GRB10: variants seen among roughly 807,000 people sequenced by gnomAD.
GRB10 encodes growth factor receptor bound protein 10.
In GRB10, 20 loss-of-function variants were observed where a neutral mutation model predicts 80.9. The observed-to-expected ratio is 0.25, with a 90% CI of 0.17 to 0.36. The LOEUF (loss-of-function observed/expected upper bound fraction) is 0.36, where lower values mean the gene tolerates loss of function less well. GRB10 is among the 10% of genes least tolerant of loss of function. The probability of loss-of-function intolerance (pLI) is 1.00; values close to 1 mark genes in which losing one functional copy is unlikely to be tolerated. For synonymous variants in GRB10, 291 were observed against 291.5 expected (o/e 1.00, Z 0.02); for missense variants, 548 against 747.7 (o/e 0.73, Z 3.12).
chr7:50,643,443 C>T (rs147577667), intron 7 of GRB10, among the ~76,000 whole-genome samples: 5 of 152,134 alleles, frequency 3.3e-5, no homozygotes, highest in Non-Finnish European at 7.4e-5. Context: ...CCATCCGTCA[C>T]GACAGGTGTG....
At chr7:50,729,553 G>A (rs2069262708) in intron 4 of GRB10, among the ~76,000 whole-genome samples, 1 of 152,160 alleles carries the variant, frequency 6.6e-6, no homozygotes, top group Non-Finnish European at 1.5e-5. Context: ...GAACACAGAT[G>A]TGCAGGGCCC....
chr7:50,655,282 A>C (rs953561523), intron 7 of GRB10, among the ~76,000 whole-genome samples: 24 of 152,132 alleles, frequency 1.6e-4, no homozygotes, highest in African/African-American at 5.3e-4. Flanking sequence ...AGTGTCTGCC[A>C]GGTGTTTCCA....
At chr7:50,670,894 C>T (rs541338750) in intron 6 of GRB10, among the ~76,000 whole-genome samples, 111 of 152,286 alleles carry the variant, frequency 7.3e-4, no homozygotes, top group Non-Finnish European at 1.5e-3. Flanking sequence ...TGGAAACACA[C>T]GCTGAATCCA....
intron 7 of GRB10, among the ~76,000 whole-genome samples, chr7:50,661,934 C>T (rs1325641130): frequency 6.6e-6 from 1 of 152,212 alleles, no homozygotes; most frequent in Non-Finnish European, 1.5e-5. Context: ...GTCTCCGGCC[C>T]TAGACTTCCT....
intron 2 of GRB10, among the ~76,000 whole-genome samples, chr7:50,759,531 G>A (rs2075509736): frequency 6.6e-6 from 1 of 152,150 alleles, no homozygotes; most frequent in Non-Finnish European, 1.5e-5. Flanking sequence ...AACATTTCTA[G>A]ATTAATTACA....
chr7:50,788,829 C>T (rs1028480904), intron 1 of GRB10, among the ~76,000 whole-genome samples: 1 of 152,172 alleles, frequency 6.6e-6, no homozygotes, highest in Non-Finnish European at 1.5e-5. Flanking sequence ...ATAAGTGCCT[C>T]TGTAAGAGTC....
chr7:50,593,086 C>T lies in GRB10; in HGVS notation c.1651G>A (p.Gly551Arg), dbSNP rs369791487. The change falls in exon 19 of 19, where the codon GGG (glycine) becomes AGG (arginine). Residue 551 changes from glycine (G) to arginine (R), a missense_variant. Transcript: ENST00000401949. The part of the protein sequence containing the change: ...NFQILPCEDD[G>R]QTFFSLDDGN... ...TCATCTAGGCTGAAGAACGTCTGCC[C>T]GTCGTCCTCGCACTGGAGAGACACA... The T allele has an allele frequency of 5.6e-6, 9 of 1,614,130 alleles. No individual in the cohort carries two copies. The highest frequency in any genetic ancestry group is 2.2e-5 in the East Asian group (1 of 44,874).
intron 4 of GRB10, among the ~76,000 whole-genome samples, chr7:50,706,799 G>A (rs2065094105): frequency 6.6e-6 from 1 of 152,130 alleles, no homozygotes; most frequent in African/African-American, 2.4e-5. Context: ...TCAGCTAAGG[G>A]TTTGGGGCCA....
At chr7:50,766,358 C>T (rs2076337580) in intron 2 of GRB10, among the ~76,000 whole-genome samples, 2 of 152,114 alleles carry the variant, frequency 1.3e-5, no homozygotes, top group Admixed American at 1.3e-4. Context: ...CTGCACAGGC[C>T]CTTTTCTATA....
intron 4 of GRB10, among the ~76,000 whole-genome samples, chr7:50,710,483 A>G (rs1223741852): frequency 6.6e-6 from 1 of 152,214 alleles, no homozygotes. Flanking sequence ...AAACACTACA[A>G]GATGCACAAG....
intron 4 of GRB10, among the ~76,000 whole-genome samples, chr7:50,722,859 C>T (rs991585359): frequency 8.5e-5 from 13 of 152,056 alleles, no homozygotes; most frequent in African/African-American, 3.1e-4. Context: ...TTTCACCCAC[C>T]TTAGGTAAAG....
intron 5 of GRB10, among the ~76,000 whole-genome samples, chr7:50,692,352 G>A (rs776409925): frequency 6.6e-6 from 1 of 151,974 alleles, no homozygotes; most frequent in Non-Finnish European, 1.5e-5. Context: ...GATTTTTTGT[G>A]GATAACATAG....
intron 5 of GRB10, among the ~76,000 whole-genome samples, chr7:50,700,703 CCT>C (rs1239319766): frequency 1.3e-5 from 2 of 152,172 alleles, no homozygotes; most frequent in African/African-American, 4.8e-5. Flanking sequence ...ATTGCAATTT[CCT>C]CTCTAACTCA....
intron 5 of GRB10, among the ~76,000 whole-genome samples, chr7:50,676,485 T>C (rs2060968589): frequency 6.6e-6 from 1 of 152,190 alleles, no homozygotes; most frequent in Non-Finnish European, 1.5e-5. Flanking sequence ...TAACCTGGCT[T>C]AACAGCTGAG....
intron 7 of GRB10, among the ~76,000 whole-genome samples, chr7:50,649,138 G>A (rs143707847): frequency 1.8e-4 from 28 of 152,270 alleles, no homozygotes; most frequent in South Asian, 6.2e-4. Context: ...CTCCATTCTC[G>A]GAGGTGTGGA....
At chr7:50,601,564 T>A (rs187867885) in intron 17 of GRB10, among the ~76,000 whole-genome samples, 29 of 152,258 alleles carry the variant, frequency 1.9e-4, no homozygotes, top group Non-Finnish European at 3.2e-4. Flanking sequence ...TCTTACTGAA[T>A]AAATATCAGC....
chr7:50,643,489 A>G (rs2056657081), intron 7 of GRB10, among the ~76,000 whole-genome samples: 1 of 152,238 alleles, frequency 6.6e-6, no homozygotes, highest in East Asian at 1.9e-4. Context: ...AAAGGAAACT[A>G]GAGATCTTAA....
At chr7:50,654,973 A>T (rs1408476931) in intron 7 of GRB10, among the ~76,000 whole-genome samples, 1 of 152,220 alleles carries the variant, frequency 6.6e-6, no homozygotes, top group Non-Finnish European at 1.5e-5. Context: ...AGGGAAAAAA[A>T]ACAAAAACAA....
At chr7:50,742,867 G>A (rs533455095) in intron 3 of GRB10, among the ~76,000 whole-genome samples, 13 of 152,100 alleles carry the variant, frequency 8.5e-5, no homozygotes, top group South Asian at 2.1e-4. Flanking sequence ...ATTCAGTAAC[G>A]CTTTGAAGAA....
Sources: gnomAD v4.1 joint callset for allele counts (sites outside exome capture counted in the v4.1 genomes callset) on GRCh38, gnomAD v4.1.1 for gene constraint, MANE v1.5 for transcripts, NCBI Gene and HGNC (gene_info 2026-07-23, HGNC 2026-07-21) for gene names.